The following ARHGEF37 variants were observed in gnomAD, a reference collection of about 807,000 sequenced individuals.
ARHGEF37 encodes Rho guanine nucleotide exchange factor 37.
ARHGEF37 carries 55 observed loss-of-function variants against 71.1 expected under a neutral mutation model. The ratio of observed to expected loss-of-function variants is 0.77; its 90% CI spans 0.62 to 0.97. The LOEUF is 0.97. Ranked by LOEUF, ARHGEF37 falls within the 50% of genes least tolerant of loss-of-function variation. The probability of loss-of-function intolerance (pLI) is 0.00; values close to 1 mark genes in which losing one functional copy is unlikely to be tolerated. For synonymous variants in ARHGEF37, 327 were observed against 350.6 expected, an observed-to-expected ratio of 0.93 and a Z score of 0.75; for missense variants, 765 against 836.8, an observed-to-expected ratio of 0.91 and a Z score of 1.06.
At position 149,609,534 on chromosome 5, in the gene ARHGEF37, G is replaced by T; in HGVS notation, c.311-14G>T. On this transcript the variant is annotated splice_polypyrimidine_tract_variant and intron_variant, in intron 3 of 12. Transcript: ENST00000333677. ...CATGCCCTTGACGACCCCTTGTTGCGTCTTCACTCTCAGGTAACATATTTC... is the reference window on the plus strand; with the variant it reads ...CATGCCCTTGACGACCCCTTGTTGCTTCTTCACTCTCAGGTAACATATTTC... 6.2e-7 allele frequency: 1 copy of T among 1,613,454 alleles called. No homozygotes were observed. Among genetic ancestry groups the T allele is most frequent in the Non-Finnish European group, 8.5e-7 (1 of 1,179,536 alleles).
chr5:149,627,032 G>A (rs1290700458), intron 10 of ARHGEF37, 44 bp from the exon 11 acceptor site: 11 of 1,564,294 alleles, frequency 7.0e-6, no homozygotes, highest in Non-Finnish European at 8.7e-7. Flanking sequence ...GCTTTGACAG[G>A]TTTATTCAAG....
chr5:149,598,433 TCTTCTC>T (rs1351699773), intron 2 of ARHGEF37, among the ~76,000 whole-genome samples: 4 of 148,424 alleles, frequency 2.7e-5, no homozygotes, highest in African/African-American at 9.8e-5. Flanking sequence ...TCCTTCTCCT[TCTTCTC>T]CTTCCTCTTC....
In ARHGEF37 at chr5:149,624,017, C is replaced by G. The variant is rs546103038; in HGVS notation, c.1341C>G (p.Pro447=). ...CAGTGTCTGTCCCCACTTAGCTGCCCCACCACCACGTCCCAGAGCCTGCCT... is the reference window on the plus strand; with the variant it reads ...CAGTGTCTGTCCCCACTTAGCTGCCGCACCACCACGTCCCAGAGCCTGCCT... The part of the protein sequence containing the change: ...QRAEGSMAQL[P]HHHVPEPAFR... The change falls in exon 10 of 13, where the codon CCC becomes CCG. Residue 447 remains proline, a synonymous_variant. Coordinates refer to ENST00000333677, the MANE Select transcript of ARHGEF37 (RefSeq NM_001001669.3). 1 of 1,596,760 alleles carries G rather than the reference C, an allele frequency of 6.3e-7. No individual in the cohort carries two copies. Among genetic ancestry groups the G allele is most frequent in the Admixed American group, 1.7e-5 (1 of 59,630 alleles).
At chr5:149,631,449 G>A (rs951146257) in intron 12 of ARHGEF37, among the ~76,000 whole-genome samples, 1 of 152,108 alleles carries the variant, frequency 6.6e-6, no homozygotes, top group Non-Finnish European at 1.5e-5. Flanking sequence ...GGGATTATAG[G>A]CGTGAGCCAC....
At chr5:149,627,692 G>C (rs1015630798) in intron 11 of ARHGEF37, among the ~76,000 whole-genome samples, 1 of 152,206 alleles carries the variant, frequency 6.6e-6, no homozygotes, top group African/African-American at 2.4e-5. Flanking sequence ...AGAATGAGGG[G>C]AGCGATCATC....
Position 149,605,254 on chromosome 5 carries a change from A to G in ARHGEF37, c.310+4023A>G, listed in dbSNP as rs1763885854. 2.6e-5 allele frequency among the ~76,000 whole-genome samples: 4 copies of G among 151,922 alleles called. No individual in the cohort carries two copies. In the East Asian group the frequency reaches 5.8e-4, roughly 22 times the overall value. ...AAAAAAAAAAAAAGAAAAGAAAAAA[A>G]GAAATATAACGTTAGCTGCAAATTT... is the stretch of plus-strand genomic sequence containing the variant. On this transcript the variant is annotated intron_variant, in intron 3 of 12. Coordinates refer to ENST00000333677, the MANE Select transcript of ARHGEF37 (RefSeq NM_001001669.3).
At chr5:149,556,245 G>A (rs1303329090) in intron 1 of ARHGEF37, among the ~76,000 whole-genome samples, 2 of 152,138 alleles carry the variant, frequency 1.3e-5, no homozygotes, top group African/African-American at 4.8e-5. Flanking sequence ...CCAGGCTGGA[G>A]TACAGTGGCG....
chr5:149,620,659 G>A (rs560294979), intron 8 of ARHGEF37, among the ~76,000 whole-genome samples, 195 bp downstream of exon 8: 12 of 151,962 alleles, frequency 7.9e-5, no homozygotes, highest in African/African-American at 1.2e-4. Flanking sequence ...ATGAAACCCC[G>A]TCTCTACTAA....
intron 12 of ARHGEF37, among the ~76,000 whole-genome samples, chr5:149,629,281 A>G (rs11950259): frequency 0.051 from 7,785 of 152,308 alleles, 212 homozygotes; most frequent in Non-Finnish European, 0.061. Flanking sequence ...GATGAGAGAT[A>G]CAATGATGAG....
At chr5:149,593,502 A>T (rs1208277139) in intron 1 of ARHGEF37, among the ~76,000 whole-genome samples, 1 of 152,378 alleles carries the variant, frequency 6.6e-6, no homozygotes, top group Admixed American at 6.5e-5. Context: ...ATATGAATAC[A>T]GTTGATCCTT....
chr5:149,554,644 A>AT (rs1337241139), intron 1 of ARHGEF37, among the ~76,000 whole-genome samples: 6 of 139,060 alleles, frequency 4.3e-5, no homozygotes, highest in Admixed American at 7.1e-5. Context: ...GAATGGCAAA[A>AT]TTGTTTTTTT....
At chr5:149,609,425 C>T in intron 3 of ARHGEF37, 123 bp from the exon 4 acceptor site, 1 of 1,054,072 alleles carries the variant, frequency 9.5e-7, no homozygotes, top group Non-Finnish European at 1.4e-6. Context: ...CCCATGGTGA[C>T]ATGCTGGTAA....
chr5:149,552,667 G>A (rs1439951206), intron 1 of ARHGEF37, among the ~76,000 whole-genome samples: 1 of 151,952 alleles, frequency 6.6e-6, no homozygotes, highest in African/African-American at 2.4e-5. Flanking sequence ...ATGAAACCCC[G>A]TATCTACTAA....
intron 8 of ARHGEF37, 70 bp from the exon 9 acceptor site, chr5:149,621,663 A>C: frequency 7.0e-7 from 1 of 1,436,066 alleles, no homozygotes; most frequent in Non-Finnish European, 9.5e-7. Context: ...CATGCTTCCA[A>C]AGCCCCTTCT....
At chr5:149,594,982 C>T (rs564768755) in intron 1 of ARHGEF37, among the ~76,000 whole-genome samples, 1 of 152,264 alleles carries the variant, frequency 6.6e-6, no homozygotes, top group South Asian at 2.1e-4. Flanking sequence ...AGATTACATA[C>T]TGTGTGATTC....
In ARHGEF37 at chr5:149,618,934, TCAGA is replaced by T; in HGVS notation, c.791_794del (p.Thr264LysfsTer8). ...TTCTCAACCCTCACACACATTACTT[TCAGA>T]CAGAAGACAAGGAATTTGATGATTT... On this transcript the variant is annotated splice_acceptor_variant and splice_polypyrimidine_tract_variant and coding_sequence_variant and intron_variant, in exon 7 of 13. Transcript: ENST00000333677. LOFTEE classifies it high-confidence loss of function. 1.2e-6 allele frequency: 2 copies of T among 1,612,046 alleles called. No homozygotes were observed. The highest frequency in any genetic ancestry group is 1.3e-5 in the African/African-American group (1 of 75,006).
chr5:149,588,453 C>T (rs951027559), intron 1 of ARHGEF37, among the ~76,000 whole-genome samples: 1 of 152,118 alleles, frequency 6.6e-6, no homozygotes, highest in Admixed American at 6.5e-5. Flanking sequence ...TGTGCTACCA[C>T]GCCTGGCTAA....
chr5:149,608,413 C>A (rs931611360), intron 3 of ARHGEF37, among the ~76,000 whole-genome samples: 1 of 151,572 alleles, frequency 6.6e-6, no homozygotes, highest in Non-Finnish European at 1.5e-5. Context: ...CTCTGTTGTG[C>A]AGGCTGGAGT....
Position 149,631,453 on chromosome 5 carries a change from G to A in ARHGEF37, c.1819-529G>A, listed in dbSNP as rs899880849. Among the ~76,000 whole-genome samples the A allele has an allele frequency of 3.3e-5, 5 of 152,142 alleles. No homozygotes were observed. In the South Asian group the frequency reaches 6.2e-4, roughly 19 times the overall value. On this transcript the variant is annotated intron_variant, in intron 12 of 12. Transcript: ENST00000333677. ...CCCAAAGTGCTGGGATTATAGGCGT[G>A]AGCCACCACACCTGGCCCAGTTCTA...
Sources: allele counts gnomAD v4.1 joint callset (sites outside exome capture counted in the v4.1 genomes callset), GRCh38; gene constraint gnomAD v4.1.1; transcripts MANE v1.5; gene names NCBI Gene and HGNC (gene_info 2026-07-23, HGNC 2026-07-21).